Variants in SMR3B observed in about 807,000 individuals in gnomAD.
The protein encoded by SMR3B is submaxillary gland androgen regulated protein 3B, also known as submaxillary gland androgen-regulated protein 3B.
For missense variants in SMR3B, 114 were observed against 99.9 expected (o/e 1.14, Z -0.60); for synonymous variants, 42 against 36.1 (o/e 1.16, Z -0.59).
chr4:70,386,277 AAAAAAAAAAAG>A (rs1732664417), intron 2 of SMR3B, among the ~76,000 whole-genome samples: 1 of 151,404 alleles, frequency 6.6e-6, no homozygotes, highest in African/African-American at 2.4e-5. Context: ...TATCTCAAAA[AAAAAAAAAAAG>A]AAAAAAGAAA....
chr4:70,387,854 C>T (rs1382122151), intron 2 of SMR3B, among the ~76,000 whole-genome samples: 1 of 152,186 alleles, frequency 6.6e-6, no homozygotes, highest in Non-Finnish European at 1.5e-5. Flanking sequence ...CTGAAGGACG[C>T]TAACTTTCTG....
chr4:70,386,691 C>T (rs1732671696), intron 2 of SMR3B, among the ~76,000 whole-genome samples: 1 of 152,134 alleles, frequency 6.6e-6, no homozygotes, highest in Non-Finnish European at 1.5e-5. Context: ...ATTGGGTATA[C>T]TTACTATGAA....
chr4:70,385,952 T>A (rs6600823), intron 2 of SMR3B, among the ~76,000 whole-genome samples: 106,843 of 151,312 alleles, frequency 0.71, 37,996 homozygotes, highest in African/African-American at 0.77. Context: ...ATTATATAAA[T>A]TTTTTTTTAT....
In SMR3B at chr4:70,384,444, G is replaced by A. The variant is rs1260898015; in HGVS notation, c.-14-53G>A. ...TCCAAGTGTTGAGACATTTTAAATAGTACTTTTTAATAAAAAACAATCATA... is the reference window on the plus strand; with the variant it reads ...TCCAAGTGTTGAGACATTTTAAATAATACTTTTTAATAAAAAACAATCATA... On this transcript the variant is annotated intron_variant, in intron 1 of 2. Coordinates refer to ENST00000304915, the MANE Select transcript of SMR3B (RefSeq NM_006685.4). 3 of 1,592,354 alleles carry A rather than the reference G, an allele frequency of 1.9e-6. No homozygotes were observed. In the African/African-American group the frequency reaches 4.1e-5, roughly 22 times the overall value.
chr4:70,389,895 C>T lies in SMR3B; in HGVS notation c.*47C>T, dbSNP rs1248071951. 1 of 1,610,146 alleles carries T rather than the reference C, an allele frequency of 6.2e-7. No individual in the cohort carries two copies. Among genetic ancestry groups the T allele is most frequent in the African/African-American group, 1.3e-5 (1 of 74,918 alleles). Reference sequence around the variant, plus strand: ...GCCCCAGGTTATCCACAGCCTCCTTCCCGACCAAGACCCTATCCACCTGGA... The same window carrying T: ...GCCCCAGGTTATCCACAGCCTCCTTTCCGACCAAGACCCTATCCACCTGGA... On this transcript the variant is annotated 3_prime_UTR_variant, in exon 3 of 3. Coordinates refer to ENST00000304915, the MANE Select transcript of SMR3B (RefSeq NM_006685.4).
Position 70,389,727 on chromosome 4 carries a change from C to T in SMR3B, c.119C>T (p.Pro40Leu). 2 of 1,614,138 alleles carry T rather than the reference C, an allele frequency of 1.2e-6. No homozygotes were observed. Among genetic ancestry groups the T allele is most frequent in the Non-Finnish European group, 1.7e-6 (2 of 1,180,032 alleles). The change falls in exon 3 of 3, where the codon CCT becomes CTT. Residue 40 changes from proline to leucine, a missense_variant. Transcript: ENST00000304915. ...YPPGPLAPPQPFGPGFVPPPP... is the reference protein window; with the variant it reads ...YPPGPLAPPQLFGPGFVPPPP... ...CCTGGACCGCTGGCTCCTCCTCAACCTTTTGGCCCAGGATTTGTTCCACCA... is the reference window on the plus strand; with the variant it reads ...CCTGGACCGCTGGCTCCTCCTCAACTTTTTGGCCCAGGATTTGTTCCACCA...
intron 2 of SMR3B, among the ~76,000 whole-genome samples, chr4:70,386,628 T>G (rs1329711789): frequency 6.6e-6 from 1 of 152,188 alleles, no homozygotes; most frequent in Admixed American, 6.5e-5. Context: ...TTTTCATCAT[T>G]TTTCTGAGTT....
intron 2 of SMR3B, among the ~76,000 whole-genome samples, chr4:70,387,748 G>T (rs1006153106): frequency 1.3e-5 from 2 of 152,138 alleles, no homozygotes; most frequent in Non-Finnish European, 2.9e-5. Flanking sequence ...GGAGAATGTT[G>T]ATAAAACTGG....
chr4:70,389,928 T>G lies in SMR3B; in HGVS notation c.*80T>G. The G allele has an allele frequency of 6.2e-7, 1 of 1,604,248 alleles. No homozygotes were observed. Among genetic ancestry groups the G allele is most frequent in the South Asian group, 1.1e-5 (1 of 90,824 alleles). On this transcript the variant is annotated 3_prime_UTR_variant, in exon 3 of 3. Coordinates refer to ENST00000304915, the MANE Select transcript of SMR3B (RefSeq NM_006685.4). ...AGACCCTATCCACCTGGACCTCCAT[T>G]TTTCCCTGTAAATTCTCCAACTGAT...
At chr4:70,385,461 T>C (rs1732643961) in intron 2 of SMR3B, among the ~76,000 whole-genome samples, 1 of 141,068 alleles carries the variant, frequency 7.1e-6, no homozygotes, top group African/African-American at 2.7e-5. Context: ...TGGAGTACAG[T>C]GGCGCGATCT....
intron 2 of SMR3B, among the ~76,000 whole-genome samples, chr4:70,387,318 G>T (rs1328026030): frequency 6.6e-6 from 1 of 152,286 alleles, no homozygotes; most frequent in East Asian, 1.9e-4. Flanking sequence ...AGTAATTTGG[G>T]TAAAAACAAA....
At chr4:70,387,030 A>T (rs56113047) in intron 2 of SMR3B, among the ~76,000 whole-genome samples, 4,760 of 152,252 alleles carry the variant, frequency 0.031, 214 homozygotes, top group African/African-American at 0.1. Flanking sequence ...TTTTACTGGC[A>T]TGTTAAAGGC....
At position 70,390,170 on chromosome 4, in the gene SMR3B, A is replaced by G; in HGVS notation, c.*322A>G. The G allele has an allele frequency of 4.8e-6, 3 of 626,550 alleles. No homozygotes were observed. The highest frequency in any genetic ancestry group is 1.8e-5 in the African/African-American group (1 of 54,322). The allele number at this position is 626,550 out of a possible 1,614,324, so 38.8% of individuals were successfully genotyped here. A position where few individuals can be genotyped will look rare whatever the true frequency, so the allele number is the denominator to read the frequency against. On this transcript the variant is annotated 3_prime_UTR_variant, in exon 3 of 3. Coordinates refer to ENST00000304915, the MANE Select transcript of SMR3B (RefSeq NM_006685.4). ...GAGCTTTGGGGAGAAATAATCTTAG[A>G]AAGAAATTGTAGAAAAAACCCATGC... is the stretch of plus-strand genomic sequence containing the variant.
intron 2 of SMR3B, among the ~76,000 whole-genome samples, chr4:70,387,293 T>A (rs1000534114): frequency 2.6e-5 from 4 of 152,156 alleles, no homozygotes; most frequent in African/African-American, 9.7e-5. Flanking sequence ...AGCAGTCAAA[T>A]CAAGGTGTCA....
At chr4:70,389,530 C>G (rs1396235478) in intron 2 of SMR3B, 133 bp from the exon 3 acceptor site, 4 of 855,956 alleles carry the variant, frequency 4.7e-6, no homozygotes, top group Non-Finnish European at 7.2e-6. Context: ...CTGATAAGGT[C>G]AGGCCAGCAT....
At chr4:70,384,788 T>C (rs1363644775) in intron 2 of SMR3B, 10 of 747,364 alleles carry the variant, frequency 1.3e-5, no homozygotes, top group Non-Finnish European at 2.0e-5. Context: ...GGTATCAGAC[T>C]GCATTAAACA....
intron 2 of SMR3B, among the ~76,000 whole-genome samples, chr4:70,386,701 A>G (rs1454591135): frequency 6.6e-6 from 1 of 152,200 alleles, no homozygotes; most frequent in African/African-American, 2.4e-5. Context: ...CTTACTATGA[A>G]GATTTTTCAT....
rs149665620 is a variant in SMR3B at position 70,383,514 on chromosome 4, A to AAT, written c.-15+304_-15+305dup. Among the ~76,000 whole-genome samples the AAT allele has an allele frequency of 8.6e-3, 1,310 of 152,276 alleles. 13 individuals carry two copies. The highest frequency in any genetic ancestry group is 0.03 in the African/African-American group (1,243 of 41,556). ...AGTTCTTGAAACTTCATAAGGATAG[A>AAT]ATAGTCTCAGGTGTACTCTAAAAGA... On this transcript the variant is annotated intron_variant, in intron 1 of 2. Coordinates refer to ENST00000304915, the MANE Select transcript of SMR3B (RefSeq NM_006685.4).
Position 70,384,555 on chromosome 4 carries a change from G to A in SMR3B, c.45G>A (p.Ala15=), listed in dbSNP as rs200141400. 7.6e-5 allele frequency: 122 copies of A among 1,608,034 alleles called. No individual in the cohort carries two copies. Among genetic ancestry groups the A allele is most frequent in the African/African-American group, 2.4e-4 (18 of 74,644 alleles). ...TWILGLWALA[A]CFTPGESQRG... is the part of the protein sequence containing the mutation. Reference sequence around the variant, plus strand: ...TCTTGGGCCTTTGGGCTCTTGCAGCGTGTTTCACAGTAAGTATCATTAATC... The same window carrying A: ...TCTTGGGCCTTTGGGCTCTTGCAGCATGTTTCACAGTAAGTATCATTAATC... Residue 15 remains alanine (A), a synonymous_variant, in exon 2 of 3, where the codon GCG becomes GCA. Transcript: ENST00000304915.
Sources: allele counts gnomAD v4.1 joint callset (sites outside exome capture counted in the v4.1 genomes callset), GRCh38; gene constraint gnomAD v4.1.1; transcripts MANE v1.5; gene names NCBI Gene and HGNC (gene_info 2026-07-23, HGNC 2026-07-21).